The following MID1 variants were observed in gnomAD, a reference collection of about 807,000 sequenced individuals.
MID1 encodes midline 1.
In MID1, 7 loss-of-function variants were observed where a neutral mutation model predicts 40.4. That is an observed-to-expected ratio of 0.17 (90% CI 0.10 to 0.33). The LOEUF is 0.33. Among genes scored for constraint, MID1 ranks in the 10% least tolerant of loss-of-function variants. The pLI is 1.00. For missense variants in MID1, 367 were observed against 558.5 expected (o/e 0.66, Z 3.46); for synonymous variants, 229 against 221.2 (o/e 1.04, Z -0.31).
intron 1 of MID1, among the ~76,000 whole-genome samples, chrX:10,649,214 G>C (rs910741578): frequency 1.8e-5 from 2 of 111,764 alleles, no homozygotes; most frequent in Non-Finnish European, 1.9e-5. Flanking sequence ...CCTCTAAGTA[G>C]GTGCATGTAA....
At chrX:10,484,560 T>C (rs1332062129) in intron 4 of MID1, among the ~76,000 whole-genome samples, 2 of 112,186 alleles carry the variant, frequency 1.8e-5, no homozygotes, top group African/African-American at 3.2e-5. Flanking sequence ...TATCGGAATG[T>C]TCTACAGAGA....
intron 1 of MID1, among the ~76,000 whole-genome samples, chrX:10,636,793 T>C (rs1031231528): frequency 2.5e-5 from 2 of 78,633 alleles, no homozygotes; most frequent in Non-Finnish European, 4.8e-5. Flanking sequence ...GGGATATATA[T>C]ATATATATAT....
intron 1 of MID1, among the ~76,000 whole-genome samples, chrX:10,696,112 C>T (rs2147079400): frequency 9.0e-6 from 1 of 111,326 alleles, no homozygotes; most frequent in East Asian, 2.8e-4. Context: ...AACTGGTCAT[C>T]AGCAGCTTCC....
In MID1 at chrX:10,449,563, G is replaced by A. The variant is rs765175247; in HGVS notation, c.1809C>T (p.Arg603=). ...IPIEPAPHLR[R]VGILLDYDNG... is the part of the protein sequence containing the mutation. ...TATCATAGTCCAGCAGGATGCCCACGCGCCGGAGGTGGGGGGCAGGCTCAA... is the reference window on the plus strand; with the variant it reads ...TATCATAGTCCAGCAGGATGCCCACACGCCGGAGGTGGGGGGCAGGCTCAA... The change falls in exon 10 of 10, where the codon CGC becomes CGT. Residue 603 remains arginine, a synonymous_variant. Coordinates refer to ENST00000317552, the MANE Select transcript of MID1 (RefSeq NM_000381.4). 7.4e-6 allele frequency: 9 copies of A among 1,211,600 alleles called. No homozygotes were observed. The South Asian group carries it at 1.4e-4, about 19-fold the overall frequency.
chrX:10,592,420 C>T (rs1935326899), intron 1 of MID1, among the ~76,000 whole-genome samples: 1 of 108,190 alleles, frequency 9.2e-6, no homozygotes, highest in African/African-American at 3.4e-5. Flanking sequence ...GGTGCATTTC[C>T]TTCTGTGCAT....
chrX:10,517,808 C>T (rs138269575), intron 3 of MID1, among the ~76,000 whole-genome samples: 3,375 of 112,456 alleles, frequency 0.03, 80 homozygotes, highest in African/African-American at 0.075. Context: ...TCAGATCTTG[C>T]GCTGCTTCCC....
At chrX:10,585,746 A>G (rs1602439128) in intron 1 of MID1, among the ~76,000 whole-genome samples, 1 of 111,101 alleles carries the variant, frequency 9.0e-6, no homozygotes, top group African/African-American at 3.3e-5. Context: ...TTTTTATCCA[A>G]GTAGCCTAAA....
intron 1 of MID1, among the ~76,000 whole-genome samples, chrX:10,754,316 G>GTTTTTTTTTTTT (rs1210089624): frequency 9.5e-6 from 1 of 105,408 alleles, no homozygotes; most frequent in African/African-American, 3.9e-5. Flanking sequence ...TTTGTTTTTT[G>GTTTTTTTTTTTT]TTTTTTGTTT....
At chrX:10,646,198 C>T (rs1936259750) in intron 1 of MID1, among the ~76,000 whole-genome samples, 1 of 112,213 alleles carries the variant, frequency 8.9e-6, no homozygotes, top group Non-Finnish European at 1.9e-5. Context: ...CCATATCAGA[C>T]ATCTTCATCC....
In MID1 at chrX:10,446,803, C is replaced by T. The variant is rs1483099561; in HGVS notation, c.*2565G>A. ...TCCTGGGCTCTGGGCATACCCATGA[C>T]ACCAGACCTGGCAGTCTTGGTTGGT... On this transcript the variant is annotated 3_prime_UTR_variant, in exon 10 of 10. Coordinates refer to ENST00000317552, the MANE Select transcript of MID1 (RefSeq NM_000381.4). 1 of 111,909 alleles carries T rather than the reference C, an allele frequency of 8.9e-6. No homozygotes were observed. The highest frequency in any genetic ancestry group is 1.9e-5 in the Non-Finnish European group (1 of 53,329). The allele number at this position is 111,909 out of a possible 1,213,427, so 9.2% of individuals were successfully genotyped here.
Position 10,446,014 on chromosome X carries a change from G to C in MID1, c.*3354C>G, listed in dbSNP as rs1928022218. The C allele has an allele frequency of 9.0e-6, 1 of 111,399 alleles. No homozygotes were observed. Among genetic ancestry groups the C allele is most frequent in the African/African-American group, 3.3e-5 (1 of 30,652 alleles). The allele number at this position is 111,399 out of a possible 1,213,427, so 9.2% of individuals were successfully genotyped here. ...GCAAGACAACTCTTCGTGGTCGGGG[G>C]CTGCGCTTGCACTGTAGGATGTTTA... On this transcript the variant is annotated 3_prime_UTR_variant, in exon 10 of 10. Coordinates refer to ENST00000317552, the MANE Select transcript of MID1 (RefSeq NM_000381.4).
rs150196702 is a variant in MID1 at position 10,529,987 on chromosome X, C to T, written c.661-6800G>A. ...GTCTTCTCTCAGCTTTGCTAAACAACAGAAGTCTTCCATGCTTTCAGGCTT... is the reference window on the plus strand; with the variant it reads ...GTCTTCTCTCAGCTTTGCTAAACAATAGAAGTCTTCCATGCTTTCAGGCTT... On this transcript the variant is annotated intron_variant, in intron 2 of 9. Transcript: ENST00000317552. Among the ~76,000 whole-genome samples the T allele has an allele frequency of 5.1e-3, 567 of 112,025 alleles. 6 individuals are homozygous for T. The highest frequency in any genetic ancestry group is 0.018 in the African/African-American group (545 of 30,864).
intron 1 of MID1, among the ~76,000 whole-genome samples, chrX:10,590,872 T>G (rs1041445873): frequency 9.0e-6 from 1 of 111,445 alleles, no homozygotes; most frequent in South Asian, 3.7e-4. Context: ...GACTTAAGAG[T>G]TTTTTGTTGT....
At chrX:10,640,186 G>GGA (rs1936172935) in intron 1 of MID1, among the ~76,000 whole-genome samples, 2 of 111,880 alleles carry the variant, frequency 1.8e-5, no homozygotes, top group Admixed American at 1.9e-4. Context: ...AAATGTAAAT[G>GGA]AGCTAAATGC....
chrX:10,517,807 G>A (rs191162185), intron 3 of MID1, among the ~76,000 whole-genome samples: 1 of 112,533 alleles, frequency 8.9e-6, no homozygotes, highest in East Asian at 2.8e-4. Flanking sequence ...CTCAGATCTT[G>A]CGCTGCTTCC....
chrX:10,538,447 T>C (rs987458960), intron 2 of MID1, among the ~76,000 whole-genome samples: 2 of 111,327 alleles, frequency 1.8e-5, no homozygotes, highest in African/African-American at 6.5e-5. Context: ...CCTCTAATTT[T>C]TGTCCAGTTG....
At chrX:10,771,502 T>C (rs1337653745) in intron 1 of MID1, among the ~76,000 whole-genome samples, 2 of 109,599 alleles carry the variant, frequency 1.8e-5, no homozygotes, top group Non-Finnish European at 3.8e-5. Context: ...ATCTATGTTT[T>C]TTTTTTTTGA....
intron 3 of MID1, among the ~76,000 whole-genome samples, chrX:10,504,295 C>T (rs755760772): frequency 3.6e-5 from 4 of 111,502 alleles, no homozygotes; most frequent in Non-Finnish European, 7.5e-5. Flanking sequence ...TCCTACAACA[C>T]ATTAGACAGC....
chrX:10,804,011 T>C (rs2044027455), intron 1 of MID1, among the ~76,000 whole-genome samples: 1 of 111,695 alleles, frequency 9.0e-6, no homozygotes, highest in African/African-American at 3.3e-5. Flanking sequence ...TTGGCATGTC[T>C]TTCACCTCAC....
Sources: gnomAD v4.1 joint callset for allele counts (sites outside exome capture counted in the v4.1 genomes callset) on GRCh38, gnomAD v4.1.1 for gene constraint, MANE v1.5 for transcripts, NCBI Gene and HGNC (gene_info 2026-07-23, HGNC 2026-07-21) for gene names.